The following MACROD2 variants were observed in gnomAD, a reference collection of about 807,000 sequenced individuals.
MACROD2 encodes ADP-ribose glycohydrolase MACROD2.
In MACROD2, 36 loss-of-function variants were observed where a neutral mutation model predicts 70.4. The ratio of observed to expected loss-of-function variants is 0.51; its 90% CI spans 0.39 to 0.68. MACROD2 has a LOEUF of 0.68. Ranked by LOEUF, MACROD2 falls within the 30% of genes least tolerant of loss-of-function variation. The pLI is 0.00. For synonymous variants in MACROD2, 172 were observed against 178.8 expected, an observed-to-expected ratio of 0.96 and a Z score of 0.30; for missense variants, 496 against 538.4, an observed-to-expected ratio of 0.92 and a Z score of 0.78.
Position 14,529,428 on chromosome 20 carries a change from T to C in MACROD2, c.301+35920T>C, listed in dbSNP as rs1192459622. On this transcript the variant is annotated intron_variant, in intron 4 of 17. Coordinates refer to ENST00000684519, the MANE Select transcript of MACROD2 (RefSeq NM_001351661.2). ...TTTTTGATATGGCTACCACGACTCC[T>C]AGACTACCTCATTACACAGCATTTA... 2.6e-5 allele frequency among the ~76,000 whole-genome samples: 4 copies of C among 152,216 alleles called. No individual in the cohort carries two copies. In the South Asian group the frequency reaches 8.3e-4, roughly 32 times the overall value.
At chr20:14,972,774 A>T (rs2074703369) in intron 5 of MACROD2, among the ~76,000 whole-genome samples, 1 of 152,172 alleles carries the variant, frequency 6.6e-6, no homozygotes, top group African/African-American at 2.4e-5. Context: ...ACATGAAGAG[A>T]ATTCTGGAAG....
chr20:15,001,301 A>G (rs545639472), intron 5 of MACROD2, among the ~76,000 whole-genome samples: 2 of 152,296 alleles, frequency 1.3e-5, no homozygotes, highest in Admixed American at 1.3e-4. Flanking sequence ...TCAATTACGC[A>G]GGGACTGAGT....
At chr20:14,927,530 TGCAGC>T (rs765147552) in intron 5 of MACROD2, among the ~76,000 whole-genome samples, 1 of 152,240 alleles carries the variant, frequency 6.6e-6, no homozygotes, top group Non-Finnish European at 1.5e-5. Flanking sequence ...CATTCTTTCA[TGCAGC>T]TAATAGTTTG....
At chr20:15,699,720 C>T (rs1049206585) in intron 8 of MACROD2, among the ~76,000 whole-genome samples, 1 of 152,196 alleles carries the variant, frequency 6.6e-6, no homozygotes, top group African/African-American at 2.4e-5. Context: ...CCTCCTCCAC[C>T]TGTGACGTCT....
intron 10 of MACROD2, chr20:15,893,051 A>G (rs776476034): frequency 2.5e-6 from 1 of 399,078 alleles, no homozygotes; most frequent in Non-Finnish European, 4.4e-6. Flanking sequence ...TTATGCCATG[A>G]AAAGAAACAT....
At chr20:15,934,704 TTTTG>T (rs2065631690) in intron 11 of MACROD2, among the ~76,000 whole-genome samples, 1 of 152,026 alleles carries the variant, frequency 6.6e-6, no homozygotes, top group African/African-American at 2.4e-5. Context: ...TTTTGTTTTG[TTTTG>T]TTTTTTTGAG....
At position 15,912,909 on chromosome 20, in the gene MACROD2, G is replaced by A. The variant is rs542310481; in HGVS notation, c.776-20367G>A. Among the ~76,000 whole-genome samples the A allele has an allele frequency of 1.0e-3, 159 of 152,242 alleles. 5 individuals carry two copies. In the South Asian group the frequency reaches 0.031, roughly 29 times the overall value. ...AAGTTAGGAAAGTTTTCTAAAGTCA[G>A]TTGGAAAGGCACCATGCAGTGTGTC... On this transcript the variant is annotated intron_variant, in intron 10 of 17. Coordinates refer to ENST00000684519, the MANE Select transcript of MACROD2 (RefSeq NM_001351661.2).
intron 6 of MACROD2, among the ~76,000 whole-genome samples, chr20:15,275,213 C>G (rs1299699374): frequency 6.6e-6 from 1 of 152,122 alleles, no homozygotes; most frequent in African/African-American, 2.4e-5. Context: ...CAAACTAAAC[C>G]ACAAACACAC....
At chr20:15,285,482 G>A (rs1049059450) in intron 6 of MACROD2, among the ~76,000 whole-genome samples, 1 of 152,112 alleles carries the variant, frequency 6.6e-6, no homozygotes, top group African/African-American at 2.4e-5. Context: ...TTGGACACAT[G>A]CAATTTATAT....
intron 4 of MACROD2, among the ~76,000 whole-genome samples, chr20:14,518,454 T>C (rs1194405867): frequency 6.6e-6 from 1 of 152,238 alleles, no homozygotes; most frequent in African/African-American, 2.4e-5. Context: ...ATTTTTTTCT[T>C]TATGTGAATG....
intron 15 of MACROD2, among the ~76,000 whole-genome samples, chr20:16,037,974 G>A (rs62194235): frequency 0.016 from 2,480 of 151,670 alleles, 60 homozygotes; most frequent in East Asian, 0.12. Context: ...TTCAGCATAG[G>A]TCTGTGGACA....
chr20:14,366,514 G>A (rs1282392304), intron 3 of MACROD2, among the ~76,000 whole-genome samples: 8 of 151,590 alleles, frequency 5.3e-5, no homozygotes, highest in African/African-American at 1.2e-4. Context: ...CTACAGGCAC[G>A]CACCACCACA....
chr20:14,385,325 C>G (rs532747590), intron 3 of MACROD2, among the ~76,000 whole-genome samples: 160 of 152,180 alleles, frequency 1.1e-3, no homozygotes, highest in Non-Finnish European at 2.1e-3. Context: ...ACACCTTTAT[C>G]AAATTACAGT....
intron 3 of MACROD2, among the ~76,000 whole-genome samples, chr20:14,101,419 T>G (rs1386669037): frequency 1.3e-5 from 2 of 152,082 alleles, no homozygotes; most frequent in African/African-American, 2.4e-5. Context: ...AAGAGTTATC[T>G]TAATAAATAT....
intron 3 of MACROD2, among the ~76,000 whole-genome samples, chr20:14,305,954 T>C (rs1189062523): frequency 1.3e-5 from 2 of 152,018 alleles, no homozygotes; most frequent in Non-Finnish European, 2.9e-5. Context: ...TCAACGTGAG[T>C]CTACTTGTGT....
At chr20:14,743,971 T>C (rs574880721) in intron 5 of MACROD2, among the ~76,000 whole-genome samples, 14 of 152,012 alleles carry the variant, frequency 9.2e-5, no homozygotes, top group Non-Finnish European at 1.5e-4. Flanking sequence ...CCAAGAAAAA[T>C]AGGCAGACAC....
chr20:15,382,046 C>T (rs1324219801), intron 6 of MACROD2, among the ~76,000 whole-genome samples: 1 of 152,124 alleles, frequency 6.6e-6, no homozygotes, highest in African/African-American at 2.4e-5. Context: ...CAGCTTTGAA[C>T]CGCTGAAAGA....
chr20:14,074,610 T>G (rs2053893392), intron 2 of MACROD2, among the ~76,000 whole-genome samples: 1 of 152,166 alleles, frequency 6.6e-6, no homozygotes, highest in African/African-American at 2.4e-5. Context: ...TGGTTCCAAG[T>G]GGGGATTCAC....
In MACROD2 at chr20:14,770,016, AT is replaced by A. The variant is rs1468778995; in HGVS notation, c.418+85060del. Among the ~76,000 whole-genome samples the A allele has an allele frequency of 2.6e-5, 4 of 152,166 alleles. No individual in the cohort carries two copies. In the East Asian group the frequency reaches 7.7e-4, roughly 29 times the overall value. On this transcript the variant is annotated intron_variant, in intron 5 of 17. Transcript: ENST00000684519. ...TAAAATATTTATTGACATGAAAATCATTTCATGAAATTCTAAATAAAAGAAA... is the reference window on the plus strand; with the variant it reads ...TAAAATATTTATTGACATGAAAATCATTCATGAAATTCTAAATAAAAGAAA...
Sources: gnomAD v4.1 joint callset for allele counts (sites outside exome capture counted in the v4.1 genomes callset) on GRCh38, gnomAD v4.1.1 for gene constraint, MANE v1.5 for transcripts, NCBI Gene and HGNC (gene_info 2026-07-23, HGNC 2026-07-21) for gene names.